USH1C: variants seen among roughly 807,000 people sequenced by gnomAD.
USH1C encodes harmonin.
In USH1C, 90 loss-of-function variants were observed where a neutral mutation model predicts 119.3. The ratio of observed to expected loss-of-function variants is 0.75; its 90% CI spans 0.64 to 0.90. The LOEUF is 0.90. USH1C is among the 40% of genes least tolerant of loss of function. The pLI, the probability that USH1C is intolerant of heterozygous loss-of-function variation, is 0.00. For missense variants in USH1C, 1,165 were observed against 1,167.7 expected (o/e 1.00, Z 0.03); for synonymous variants, 465 against 443.3 (o/e 1.05, Z -0.62).
chr11:17,531,897 T>C lies in USH1C; in HGVS notation c.105-355A>G, dbSNP rs536018722. On this transcript the variant is annotated intron_variant, in intron 2 of 26. Coordinates refer to ENST00000005226, the MANE Select transcript of USH1C (RefSeq NM_153676.4). This position sits in a 1 kb window ranked among gnomAD's most constrained non-coding sequence, Gnocchi z 4.2. The stretch of plus-strand genomic sequence containing the variant: ...CACACACTCATCATCTCCACTCGTA[T>C]CTGCTGCTAAGCTCTGTCAATTTCA... Among the ~76,000 whole-genome samples, 12 of 152,214 alleles carry C rather than the reference T, an allele frequency of 7.9e-5. No homozygotes were observed. In the South Asian group the frequency reaches 1.7e-3, roughly 21 times the overall value.
chr11:17,539,006 A>G (rs942395546), intron 1 of USH1C, among the ~76,000 whole-genome samples: 2 of 152,154 alleles, frequency 1.3e-5, no homozygotes, highest in African/African-American at 4.8e-5. Context: ...GAACCTGTTC[A>G]TAAAGCTTTC....
At chr11:17,501,879 A>G (rs1002607232) in intron 21 of USH1C, 60 bp downstream of exon 21, 2 of 1,587,330 alleles carry the variant, frequency 1.3e-6, no homozygotes, top group Admixed American at 1.7e-5. Flanking sequence ...CAAACCCTCT[A>G]ACCCCCACAC....
At chr11:17,534,276 C>T (rs772607810) in intron 1 of USH1C, among the ~76,000 whole-genome samples, 1 of 152,248 alleles carries the variant, frequency 6.6e-6, no homozygotes, top group Non-Finnish European at 1.5e-5. Flanking sequence ...GCCAGAGCAG[C>T]GTTACCTCTT....
intron 15 of USH1C, among the ~76,000 whole-genome samples, chr11:17,513,777 C>T (rs1389670827): frequency 1.3e-5 from 2 of 151,998 alleles, no homozygotes; most frequent in South Asian, 2.1e-4. Context: ...GCCTGGCCTC[C>T]TCCAGGACCA....
chr11:17,525,516 TA>T (rs1209759655), intron 8 of USH1C, among the ~76,000 whole-genome samples: 2 of 152,210 alleles, frequency 1.3e-5, no homozygotes, highest in Admixed American at 1.3e-4. Flanking sequence ...TGGGAATTAT[TA>T]TCGCCCATTT....
At chr11:17,538,358 T>C (rs1245031129) in intron 1 of USH1C, among the ~76,000 whole-genome samples, 1 of 152,128 alleles carries the variant, frequency 6.6e-6, no homozygotes, top group East Asian at 1.9e-4. Flanking sequence ...GGTTTGGCCA[T>C]GTGGTACCCT....
intron 11 of USH1C, 116 bp downstream of exon 11, chr11:17,523,095 C>A: frequency 1.3e-6 from 2 of 1,577,320 alleles, no homozygotes; most frequent in South Asian, 1.1e-5. Context: ...TCGCTCTGCT[C>A]TGTCAGAGCT....
At chr11:17,523,554 AGGG>A in intron 9 of USH1C, 76 bp from the exon 10 acceptor site, 4 of 1,454,976 alleles carry the variant, frequency 2.7e-6, no homozygotes, top group Non-Finnish European at 3.8e-6. Context: ...AGGCTCCCCC[AGGG>A]GCTCTGGGTC....
At chr11:17,517,524 G>A in intron 14 of USH1C, 1 of 1,537,314 alleles carries the variant, frequency 6.5e-7, no homozygotes, top group Non-Finnish European at 8.8e-7. Flanking sequence ...GGACTTGGGA[G>A]CCCAAGAGGC....
chr11:17,519,380 T>C (rs1302824753), intron 14 of USH1C, among the ~76,000 whole-genome samples: 1 of 152,236 alleles, frequency 6.6e-6, no homozygotes, highest in African/African-American at 2.4e-5. Context: ...CTTGAGCAAA[T>C]GCAAAATTCT....
intron 1 of USH1C, among the ~76,000 whole-genome samples, chr11:17,535,824 G>A (rs112652967): frequency 0.021 from 3,156 of 152,278 alleles, 100 homozygotes; most frequent in African/African-American, 0.072. Context: ...GGAAACTGAG[G>A]ATCAGAGAGG....
At chr11:17,534,873 C>A (rs1379915997) in intron 1 of USH1C, among the ~76,000 whole-genome samples, 89 of 120,666 alleles carry the variant, frequency 7.4e-4, no homozygotes, top group African/African-American at 1.3e-3. Flanking sequence ...GACTCCATCT[C>A]AAAAAAAAAA....
chr11:17,536,041 C>A (rs944416258), intron 1 of USH1C, among the ~76,000 whole-genome samples: 2 of 152,220 alleles, frequency 1.3e-5, no homozygotes, highest in African/African-American at 4.8e-5. Flanking sequence ...TATCTCTAAG[C>A]CCCATCTCTC....
chr11:17,503,051 C>T (rs1375744892), intron 20 of USH1C, among the ~76,000 whole-genome samples: 1 of 152,194 alleles, frequency 6.6e-6, no homozygotes, highest in African/African-American at 2.4e-5. Flanking sequence ...AAGATGAGCA[C>T]CAAATATCAG....
chr11:17,527,028 A>G lies in USH1C; in HGVS notation c.509T>C (p.Ile170Thr). 2 of 1,559,134 alleles carry G rather than the reference A, an allele frequency of 1.3e-6. No homozygotes were observed. The highest frequency in any genetic ancestry group is 1.2e-5 in the South Asian group (1 of 84,550). Residue 170 changes from isoleucine to threonine, a missense_variant, in exon 6 of 27, where the codon ATC becomes ACC. Transcript: ENST00000005226. ...VSIKVRHIGLIPVKSSPDEPL... is the reference protein window; with the variant it reads ...VSIKVRHIGLTPVKSSPDEPL... Reference sequence around the variant, plus strand: ...AGGGGCCTCTCACCTTTTCACGGGGATCAGGCCGATGTCTGCGGGAGAAAG... The same window carrying G: ...AGGGGCCTCTCACCTTTTCACGGGGGTCAGGCCGATGTCTGCGGGAGAAAG...
chr11:17,534,390 G>C (rs1011651246), intron 1 of USH1C, among the ~76,000 whole-genome samples: 5 of 152,208 alleles, frequency 3.3e-5, no homozygotes, highest in African/African-American at 1.2e-4. Flanking sequence ...CCTGAGCAGG[G>C]GGTACAGAAT....
intron 1 of USH1C, among the ~76,000 whole-genome samples, chr11:17,534,240 C>T (rs1851134616): frequency 1.3e-5 from 2 of 152,350 alleles, no homozygotes; most frequent in South Asian, 4.1e-4. Flanking sequence ...GCTGCATGCT[C>T]TCCACTGACT....
intron 24 of USH1C, chr11:17,497,020 G>A (rs1027347061): frequency 1.8e-6 from 1 of 560,522 alleles, no homozygotes; most frequent in Non-Finnish European, 3.2e-6. Context: ...GGACAGGGCT[G>A]CAAGGCCCTT....
chr11:17,522,903 G>A lies in USH1C; in HGVS notation c.900C>T (p.Asp300=), dbSNP rs1372289114. 1 of 1,612,536 alleles carries A rather than the reference G, an allele frequency of 6.2e-7. No individual in the cohort carries two copies. The highest frequency in any genetic ancestry group is 1.3e-5 in the African/African-American group (1 of 74,904). ...GCCGCGCCTCTGCCAGCCGCTCCCG[G>A]TCTGTCATGAACAGCTCCCGGCCCT... ...AAAGRELFMT[D]RERLAEARQR... is the part of the protein sequence containing the mutation. The change falls in exon 12 of 27, where the codon GAC becomes GAT. Residue 300 remains aspartate, a synonymous_variant. Coordinates refer to ENST00000005226, the MANE Select transcript of USH1C (RefSeq NM_153676.4).
Sources: gnomAD v4.1 joint callset for allele counts (sites outside exome capture counted in the v4.1 genomes callset) on GRCh38, gnomAD v4.1.1 for gene constraint, Gnocchi (gnomAD v3.1) non-coding constraint, MANE v1.5 for transcripts, NCBI Gene and HGNC (gene_info 2026-07-23, HGNC 2026-07-21) for gene names.